GTF2I: variants seen among roughly 807,000 people sequenced by gnomAD.
GTF2I encodes the protein general transcription factor IIi, also known as general transcription factor II-I.
A neutral mutation model predicts 67.6 loss-of-function variants in GTF2I; 12 were observed. That is an observed-to-expected ratio of 0.18 (90% confidence interval 0.11 to 0.29). GTF2I has a LOEUF of 0.29. GTF2I is among the 10% of genes least tolerant of loss of function. The pLI, the probability that GTF2I is intolerant of heterozygous loss-of-function variation, is 1.00. For missense variants in GTF2I, 271 were observed against 580.1 expected (o/e 0.47, Z 5.47); for synonymous variants, 149 against 197.0 (o/e 0.76, Z 2.04).
At chr7:74,757,870 CT>C in intron 32 of GTF2I, 88 bp from the exon 33 acceptor site, 1 of 62,356 alleles carries the variant, frequency 1.6e-5, no homozygotes, top group Admixed American at 3.6e-4. Context: ...GTCTAGAGGG[CT>C]TTTCTCCTCT....
At chr7:74,700,010 C>CT (rs1267728793) in intron 4 of GTF2I, 17 of 441,902 alleles carry the variant, frequency 3.8e-5, no homozygotes, top group African/African-American at 2.7e-4. Context: ...ATTGCTCTCT[C>CT]TATGTGTTTT....
At chr7:74,724,296 G>A (rs1279003020) in intron 12 of GTF2I, among the ~76,000 whole-genome samples, 2 of 152,138 alleles carry the variant, frequency 1.3e-5, no homozygotes, top group Non-Finnish European at 2.9e-5. Flanking sequence ...ATATTACCTG[G>A]TGTTGATTGT....
At chr7:74,716,845 C>T (rs782552806) in intron 10 of GTF2I, 49 bp from the exon 11 acceptor site, 1 of 1,218,548 alleles carries the variant, frequency 8.2e-7, no homozygotes, top group Non-Finnish European at 1.2e-6. Context: ...TTTCATCTTT[C>T]AATGTCAGTT....
At chr7:74,698,740 A>G (rs587682579) in intron 3 of GTF2I, among the ~76,000 whole-genome samples, 87 of 152,256 alleles carry the variant, frequency 5.7e-4, no homozygotes, top group Middle Eastern at 3.4e-3. Flanking sequence ...CAAATCACAA[A>G]TGACTTGCTA....
chr7:74,721,714 A>G (rs1015180819), intron 12 of GTF2I, among the ~76,000 whole-genome samples: 60 of 152,102 alleles, frequency 3.9e-4, no homozygotes, highest in African/African-American at 1.4e-3. Context: ...ATTACTTCCA[A>G]ATGGTAGGAG....
chr7:74,753,000 G>A (rs1795910019), intron 28 of GTF2I, 94 bp from the exon 29 acceptor site: 3 of 1,204,458 alleles, frequency 2.5e-6, no homozygotes, highest in African/African-American at 1.5e-5. Context: ...AGAGTTCAAG[G>A]CCAGTCTGGG....
intron 1 of GTF2I, among the ~76,000 whole-genome samples, chr7:74,673,598 C>T (rs1341090443): frequency 6.6e-6 from 1 of 151,282 alleles, no homozygotes; most frequent in Admixed American, 6.6e-5. Flanking sequence ...AGGCTGGTCT[C>T]GAACTCCTGA....
At chr7:74,667,204 G>A (rs1348818720) in intron 1 of GTF2I, among the ~76,000 whole-genome samples, 4 of 152,096 alleles carry the variant, frequency 2.6e-5, no homozygotes, top group African/African-American at 7.2e-5. Flanking sequence ...TTAGCTGGGA[G>A]TGGTGACAGG....
At chr7:74,667,009 G>C (rs1012928191) in intron 1 of GTF2I, among the ~76,000 whole-genome samples, 9 of 151,716 alleles carry the variant, frequency 5.9e-5, no homozygotes, top group African/African-American at 2.2e-4. Context: ...GCTAGGCGTG[G>C]TGGTGCGCAC....
intron 1 of GTF2I, among the ~76,000 whole-genome samples, chr7:74,662,018 C>T (rs183906921): frequency 5.2e-4 from 79 of 151,986 alleles, no homozygotes; most frequent in African/African-American, 1.8e-3. Context: ...TAGTTTTGGC[C>T]CTTGGAGGTA....
intron 10 of GTF2I, 146 bp from the exon 11 acceptor site, chr7:74,716,745 CATT>C (rs1178050567): frequency 1.8e-6 from 1 of 548,498 alleles, no homozygotes; most frequent in African/African-American, 1.9e-5. Context: ...AATTAGAAAA[CATT>C]GTTCGACTTA....
intron 1 of GTF2I, among the ~76,000 whole-genome samples, chr7:74,665,043 G>A (rs1554388014): frequency 6.6e-6 from 1 of 151,618 alleles, no homozygotes; most frequent in Non-Finnish European, 1.5e-5. Context: ...GGGTTCAAGC[G>A]ATTTTCCTGC....
At chr7:74,696,474 G>T (rs587714743) in intron 3 of GTF2I, among the ~76,000 whole-genome samples, 1 of 151,424 alleles carries the variant, frequency 6.6e-6, no homozygotes, top group South Asian at 2.1e-4. Flanking sequence ...TTACAGGCGT[G>T]TGTCACTACA....
At chr7:74,685,978 G>A (rs1787692137) in intron 1 of GTF2I, among the ~76,000 whole-genome samples, 1 of 152,152 alleles carries the variant, frequency 6.6e-6, no homozygotes, top group African/African-American at 2.4e-5. Flanking sequence ...GCGTGAACCC[G>A]GGAGGCGGAG....
intron 1 of GTF2I, among the ~76,000 whole-genome samples, chr7:74,662,135 TG>T (rs1234338869): frequency 6.6e-6 from 1 of 151,336 alleles, no homozygotes; most frequent in Admixed American, 6.6e-5. Flanking sequence ...ATGTAGGCTT[TG>T]GGGGTTCTTT....
At chr7:74,718,760 G>T in intron 11 of GTF2I, 119 bp from the exon 12 acceptor site, 1 of 562,346 alleles carries the variant, frequency 1.8e-6, no homozygotes. Context: ...TGAAATGAAT[G>T]AAAATGCCAG....
At chr7:74,698,455 G>A (rs1415927305) in intron 3 of GTF2I, among the ~76,000 whole-genome samples, 1 of 147,722 alleles carries the variant, frequency 6.8e-6, no homozygotes, top group Non-Finnish European at 1.5e-5. Flanking sequence ...ACCCAGGCTG[G>A]AGTGCTGTGG....
At chr7:74,715,591 A>G (rs1239384782) in intron 10 of GTF2I, among the ~76,000 whole-genome samples, 1 of 152,026 alleles carries the variant, frequency 6.6e-6, no homozygotes, top group Non-Finnish European at 1.5e-5. Context: ...CTTTGACCTC[A>G]CATCTCTTTT....
intron 10 of GTF2I, 56 bp downstream of exon 10, chr7:74,714,972 A>G (rs1554403363): frequency 1.9e-6 from 2 of 1,043,112 alleles, no homozygotes; most frequent in Middle Eastern, 2.1e-4. Flanking sequence ...ATGTTTCCTT[A>G]TATTGCACAG....
Sources: gnomAD v4.1 joint callset for allele counts (sites outside exome capture counted in the v4.1 genomes callset) on GRCh38, gnomAD v4.1.1 for gene constraint, MANE v1.5 for transcripts, NCBI Gene and HGNC (gene_info 2026-07-23, HGNC 2026-07-21) for gene names.